The following KLHL4 variants were observed in gnomAD, a reference collection of about 807,000 sequenced individuals.
KLHL4 encodes kelch-like protein 4.
A neutral mutation model predicts 45.8 loss-of-function variants in KLHL4; 17 were observed. The observed-to-expected ratio is 0.37, with a 90% CI of 0.25 to 0.56. The LOEUF (loss-of-function observed/expected upper bound fraction) is 0.56. Among genes scored for constraint, KLHL4 ranks in the 20% least tolerant of loss-of-function variants. The pLI, the probability that KLHL4 is intolerant of heterozygous loss-of-function variation, is 0.79. For missense variants in KLHL4, 544 were observed against 544.9 expected, an observed-to-expected ratio of 1.00 and a Z score of 0.02; for synonymous variants, 224 against 189.9, an observed-to-expected ratio of 1.18 and a Z score of -1.47.
intron 2 of KLHL4, 54 bp downstream of exon 2, chrX:87,614,098 A>G: frequency 1.2e-6 from 1 of 867,056 alleles, no homozygotes; most frequent in Non-Finnish European, 1.6e-6. Flanking sequence ...TATAAATAAG[A>G]GATAATGAGT....
chrX:87,519,807 G>A (rs1930966577), intron 1 of KLHL4, among the ~76,000 whole-genome samples: 1 of 112,063 alleles, frequency 8.9e-6, no homozygotes, highest in African/African-American at 3.2e-5. Context: ...TAACTCTGCT[G>A]TAGGGAAATT....
At chrX:87,604,818 G>A (rs1203010697) in intron 1 of KLHL4, among the ~76,000 whole-genome samples, 1 of 110,946 alleles carries the variant, frequency 9.0e-6, no homozygotes, top group Non-Finnish European at 1.9e-5. Context: ...GTGCTTTTGA[G>A]GTCTTATTTA....
At chrX:87,562,699 G>T (rs1045249520) in intron 1 of KLHL4, among the ~76,000 whole-genome samples, 1 of 110,153 alleles carries the variant, frequency 9.1e-6, no homozygotes, top group Non-Finnish European at 1.9e-5. Flanking sequence ...CTACTGCCTT[G>T]AAGGGAAAGA....
At chrX:87,575,464 G>C (rs1985340529) in intron 1 of KLHL4, among the ~76,000 whole-genome samples, 1 of 111,673 alleles carries the variant, frequency 9.0e-6, no homozygotes, top group South Asian at 3.7e-4. Context: ...ACCAGTCCCT[G>C]GTGCCAAAAA....
At chrX:87,608,539 G>A (rs1192328288) in intron 1 of KLHL4, among the ~76,000 whole-genome samples, 1 of 110,114 alleles carries the variant, frequency 9.1e-6, no homozygotes, top group East Asian at 2.9e-4. Context: ...TTTCTATAAA[G>A]GAATACCTGA....
At chrX:87,656,227 T>A (rs1301072385) in intron 9 of KLHL4, among the ~76,000 whole-genome samples, 1 of 111,271 alleles carries the variant, frequency 9.0e-6, no homozygotes, top group East Asian at 2.8e-4. Flanking sequence ...GATACCTAGA[T>A]CTCTTCCTGG....
At chrX:87,657,803 A>T (rs1031404021) in intron 9 of KLHL4, among the ~76,000 whole-genome samples, 9 of 111,758 alleles carry the variant, frequency 8.1e-5, no homozygotes, top group Admixed American at 4.7e-4. Flanking sequence ...TGAGGTGGGT[A>T]ATGGGGTAAA....
chrX:87,557,659 T>C (rs1374596521), intron 1 of KLHL4, among the ~76,000 whole-genome samples: 2 of 111,961 alleles, frequency 1.8e-5, no homozygotes, highest in African/African-American at 6.5e-5. Flanking sequence ...TATTCACATT[T>C]CCAAAAGCAC....
chrX:87,574,640 A>G (rs1320345643), intron 1 of KLHL4, among the ~76,000 whole-genome samples: 1 of 111,329 alleles, frequency 9.0e-6, no homozygotes, highest in Admixed American at 9.6e-5. Flanking sequence ...AATAAATTCA[A>G]TTTTGTGCCA....
intron 1 of KLHL4, among the ~76,000 whole-genome samples, chrX:87,558,681 G>GT (rs200178471): frequency 9.0e-6 from 1 of 110,728 alleles, no homozygotes; most frequent in Admixed American, 9.7e-5. Flanking sequence ...GCTATAAATT[G>GT]TTTTTTCTAT....
Position 87,614,025 on chromosome X carries a change from C to T in KLHL4, c.571C>T (p.Leu191Phe). The T allele has an allele frequency of 8.3e-7, 1 of 1,201,189 alleles. No individual in the cohort carries two copies. Among genetic ancestry groups the T allele is most frequent in the Non-Finnish European group, 1.1e-6 (1 of 890,201 alleles). The part of the protein sequence containing the change: ...LCDVLLIAGH[L>F]RIPAHRLVLS... ...TGATGTGCTACTGATTGCAGGACAC[C>T]TCCGCATCCCAGCCCATAGGTAAGT... The change falls in exon 2 of 11, where the codon CTC becomes TTC. Residue 191 changes from leucine to phenylalanine, a missense_variant. By Grantham distance (22) the Leu-to-Phe change is conservative. Transcript: ENST00000373119.
At chrX:87,579,260 C>T (rs770444571) in intron 1 of KLHL4, among the ~76,000 whole-genome samples, 46 of 110,954 alleles carry the variant, frequency 4.1e-4, no homozygotes, top group African/African-American at 1.5e-3. Context: ...GAAATCTATA[C>T]ACAGCAGTAC....
intron 1 of KLHL4, among the ~76,000 whole-genome samples, chrX:87,563,640 A>T (rs928565321): frequency 9.2e-6 from 1 of 108,645 alleles, no homozygotes; most frequent in African/African-American, 3.3e-5. Flanking sequence ...CACACCTACA[A>T]GGGCAAATGT....
At chrX:87,564,125 T>G (rs997260729) in intron 1 of KLHL4, among the ~76,000 whole-genome samples, 2 of 111,231 alleles carry the variant, frequency 1.8e-5, no homozygotes, top group Non-Finnish European at 3.8e-5. Flanking sequence ...CTGGTAATAG[T>G]AAGTACACCG....
At chrX:87,601,248 G>A (rs1602437649) in intron 1 of KLHL4, among the ~76,000 whole-genome samples, 1 of 111,819 alleles carries the variant, frequency 8.9e-6, no homozygotes, top group African/African-American at 3.2e-5. Flanking sequence ...AAGAGGGCCA[G>A]ATGAGTGAGT....
chrX:87,617,466 T>G (rs568881413), intron 3 of KLHL4, among the ~76,000 whole-genome samples: 1 of 111,675 alleles, frequency 9.0e-6, no homozygotes, highest in Admixed American at 9.6e-5. Context: ...GACAGTTACT[T>G]GCATGGCCAA....
chrX:87,640,358 T>C, intron 9 of KLHL4, among the ~76,000 whole-genome samples: 1 of 111,658 alleles, frequency 9.0e-6, no homozygotes, highest in Non-Finnish European at 1.9e-5. Flanking sequence ...AGTATCATCC[T>C]GATACCAAAA....
chrX:87,625,375 A>C (rs959656720), intron 5 of KLHL4, among the ~76,000 whole-genome samples: 2 of 111,735 alleles, frequency 1.8e-5, no homozygotes, highest in Non-Finnish European at 3.8e-5. Flanking sequence ...GATTACAGGC[A>C]CATGCAACCA....
intron 1 of KLHL4, among the ~76,000 whole-genome samples, chrX:87,612,814 T>G (rs747267944): frequency 7.5e-4 from 84 of 111,313 alleles, no homozygotes; most frequent in African/African-American, 2.7e-3. Flanking sequence ...TAATGTGAAC[T>G]GAATCATTAC....
Sources: allele counts gnomAD v4.1 joint callset (sites outside exome capture counted in the v4.1 genomes callset), GRCh38; gene constraint gnomAD v4.1.1; transcripts MANE v1.5; gene names NCBI Gene and HGNC (gene_info 2026-07-23, HGNC 2026-07-21).